The following PRKCA variants were observed in gnomAD, a reference collection of about 807,000 sequenced individuals.
The protein encoded by PRKCA is protein kinase C alpha, also known as protein kinase C alpha type.
PRKCA carries 27 observed loss-of-function variants against 87.0 expected under a neutral mutation model. The observed-to-expected ratio is 0.31, with a 90% CI of 0.23 to 0.43. The LOEUF is 0.43. Ranked by LOEUF, PRKCA falls within the 20% of genes least tolerant of loss-of-function variation. The probability of loss-of-function intolerance (pLI) is 1.00; values close to 1 mark genes in which losing one functional copy is unlikely to be tolerated. For missense variants in PRKCA, 518 were observed against 852.3 expected (o/e 0.61, Z 4.88); for synonymous variants, 329 against 311.1 (o/e 1.06, Z -0.61).
chr17:66,341,758 A>G (rs777060006), intron 2 of PRKCA, among the ~76,000 whole-genome samples: 1 of 152,222 alleles, frequency 6.6e-6, no homozygotes, highest in Non-Finnish European at 1.5e-5. Flanking sequence ...TACCCTGGTT[A>G]TCTTTAGAAT....
At chr17:66,664,890 C>G (rs1972005772) in intron 5 of PRKCA, among the ~76,000 whole-genome samples, 1 of 152,000 alleles carries the variant, frequency 6.6e-6, no homozygotes, top group Non-Finnish European at 1.5e-5. Context: ...TCTTCCCACC[C>G]CAGTCTACCA....
Position 66,645,587 on chromosome 17 carries a change from G to A in PRKCA, c.529+76G>A, listed in dbSNP as rs539926887. On this transcript the variant is annotated intron_variant, in intron 5 of 16. Transcript: ENST00000413366. ...GGTTACACTGATATTAAGGCAGGGT[G>A]GGGGCTGGGCTGGATGCCCTGAGGC... The A allele has an allele frequency of 1.3e-5, 21 of 1,586,472 alleles. No homozygotes were observed. The South Asian group carries it at 2.3e-4, about 18-fold the overall frequency.
At chr17:66,631,337 T>TA (rs1318345022) in intron 3 of PRKCA, among the ~76,000 whole-genome samples, 1 of 152,182 alleles carries the variant, frequency 6.6e-6, no homozygotes, top group African/African-American at 2.4e-5. Flanking sequence ...ACCTAGGAAA[T>TA]AACCTTATTT....
chr17:66,692,155 A>G (rs143555687), intron 8 of PRKCA, among the ~76,000 whole-genome samples: 290 of 152,310 alleles, frequency 1.9e-3, no homozygotes, highest in Middle Eastern at 6.8e-3. Context: ...GCAGAGTTGC[A>G]TGGGGTGGAG....
chr17:66,343,151 T>A (rs546104529), intron 2 of PRKCA, among the ~76,000 whole-genome samples: 1 of 152,276 alleles, frequency 6.6e-6, no homozygotes, highest in East Asian at 1.9e-4. Context: ...AGGGAGCATC[T>A]TGTTTGGTTT....
intron 5 of PRKCA, among the ~76,000 whole-genome samples, chr17:66,682,519 G>T (rs1444290015): frequency 6.6e-6 from 1 of 152,246 alleles, no homozygotes; most frequent in Non-Finnish European, 1.5e-5. Flanking sequence ...CCCTGCCAGG[G>T]CCTTGGGCCC....
chr17:66,306,061 T>G lies in PRKCA; in HGVS notation c.174-35T>G, dbSNP rs746679203. 8.1e-6 allele frequency: 13 copies of G among 1,605,778 alleles called. No individual in the cohort carries two copies. The Admixed American group carries it at 1.0e-4, about 12-fold the overall frequency. The stretch of plus-strand genomic sequence containing the variant: ...AAAATATGCTATCCAACAGAAAATA[T>G]GTTAAGATATTTTGTTCTTGTTTTT... On this transcript the variant is annotated intron_variant, in intron 1 of 16. Coordinates refer to ENST00000413366, the MANE Select transcript of PRKCA (RefSeq NM_002737.3).
At chr17:66,628,049 C>A (rs1164261604) in intron 3 of PRKCA, among the ~76,000 whole-genome samples, 1 of 152,158 alleles carries the variant, frequency 6.6e-6, no homozygotes, top group Non-Finnish European at 1.5e-5. Flanking sequence ...CGGAGAAAAA[C>A]CAAGGATTAA....
intron 3 of PRKCA, among the ~76,000 whole-genome samples, chr17:66,640,072 C>T (rs1276527467): frequency 6.6e-6 from 1 of 152,110 alleles, no homozygotes; most frequent in Non-Finnish European, 1.5e-5. Flanking sequence ...GCACTACCTG[C>T]GTGGTACCTA....
chr17:66,739,781 G>A (rs150241484), intron 11 of PRKCA, among the ~76,000 whole-genome samples: 6 of 152,156 alleles, frequency 3.9e-5, no homozygotes, highest in East Asian at 1.9e-4. Flanking sequence ...AGGGGGGAAC[G>A]TGGTAGGTGG....
intron 3 of PRKCA, among the ~76,000 whole-genome samples, chr17:66,579,967 C>T (rs117553501): frequency 1.3e-4 from 20 of 152,246 alleles, no homozygotes; most frequent in East Asian, 9.7e-4. Flanking sequence ...TCTCTCTCCT[C>T]GGCTCACTCT....
At chr17:66,419,148 G>A (rs1331095396) in intron 2 of PRKCA, among the ~76,000 whole-genome samples, 1 of 151,994 alleles carries the variant, frequency 6.6e-6, no homozygotes, top group Non-Finnish European at 1.5e-5. Context: ...TATTATGTTA[G>A]GATAATCAAA....
chr17:66,779,268 T>C (rs1425236678), intron 14 of PRKCA, among the ~76,000 whole-genome samples: 1 of 152,262 alleles, frequency 6.6e-6, no homozygotes, highest in Admixed American at 6.5e-5. Context: ...ATTTGCTTTA[T>C]TTATTGTCAG....
intron 2 of PRKCA, among the ~76,000 whole-genome samples, chr17:66,482,098 C>CAAAAAAAAAAAAAAAAAAA (rs58719328): frequency 3.7e-4 from 33 of 89,236 alleles, no homozygotes; most frequent in East Asian, 9.1e-4. Flanking sequence ...AAGACTGTCT[C>CAAAAAAAAAAAAAAAAAAA]AAAAAAAAAA....
chr17:66,572,571 C>T (rs531057728), intron 3 of PRKCA, among the ~76,000 whole-genome samples: 18 of 152,324 alleles, frequency 1.2e-4, no homozygotes, highest in Non-Finnish European at 2.2e-4. Flanking sequence ...TAACCCACAG[C>T]TCACTGCAGC....
At chr17:66,735,158 G>A (rs1169854615) in intron 9 of PRKCA, among the ~76,000 whole-genome samples, 1 of 152,126 alleles carries the variant, frequency 6.6e-6, no homozygotes, top group Non-Finnish European at 1.5e-5. Flanking sequence ...TTCACTCTAA[G>A]GATACTCCTG....
intron 5 of PRKCA, among the ~76,000 whole-genome samples, chr17:66,653,506 G>T (rs562523793): frequency 6.6e-6 from 1 of 152,148 alleles, no homozygotes; most frequent in Non-Finnish European, 1.5e-5. Context: ...CAGAAGGATC[G>T]CTTGAACCCA....
At chr17:66,347,503 T>G (rs985076605) in intron 2 of PRKCA, among the ~76,000 whole-genome samples, 3 of 152,240 alleles carry the variant, frequency 2.0e-5, no homozygotes, top group Non-Finnish European at 1.5e-5. Flanking sequence ...TGTCTGTGTT[T>G]CATATTGGTC....
intron 2 of PRKCA, among the ~76,000 whole-genome samples, chr17:66,378,911 A>G: frequency 6.6e-6 from 1 of 152,030 alleles, no homozygotes; most frequent in Non-Finnish European, 1.5e-5. Flanking sequence ...AAAAAAAAAA[A>G]AAAAGTAATG....
Sources: gnomAD v4.1 joint callset for allele counts (sites outside exome capture counted in the v4.1 genomes callset) on GRCh38, gnomAD v4.1.1 for gene constraint, MANE v1.5 for transcripts, NCBI Gene and HGNC (gene_info 2026-07-23, HGNC 2026-07-21) for gene names.